Variants in TUSC3 observed in about 807,000 individuals in gnomAD.
TUSC3 encodes the protein dolichyl-diphosphooligosaccharide--protein glycosyltransferase subunit TUSC3.
Under a neutral mutation model 44.8 loss-of-function variants are expected in TUSC3, and 45 were observed. That is an observed-to-expected ratio of 1.00 (90% CI 0.79 to 1.29). The LOEUF (loss-of-function observed/expected upper bound fraction) is 1.29. Among genes scored for constraint, TUSC3 ranks in the 50% most tolerant of loss-of-function variants. The pLI, the probability that TUSC3 is intolerant of heterozygous loss-of-function variation, is 0.00. For missense variants in TUSC3, 519 were observed against 437.9 expected (o/e 1.19, Z -1.65); for synonymous variants, 212 against 152.9 (o/e 1.39, Z -2.85).
At chr8:15,801,095 A>G in the TUSC3 span, among the ~76,000 whole-genome samples, 5,615 of 152,266 alleles carry the variant, frequency 0.037, 145 homozygotes, top group East Asian at 0.13. Context: ...TTAAGAAAGT[A>G]AAAGAATAAA....
At chr8:15,644,029 G>A (rs746778517) in intron 2 of TUSC3, among the ~76,000 whole-genome samples, 68 of 152,052 alleles carry the variant, frequency 4.5e-4, no homozygotes, top group Non-Finnish European at 8.1e-4. Context: ...AAAAAGAGAA[G>A]CTATACTTCT....
intron 1 of TUSC3, among the ~76,000 whole-genome samples, chr8:15,595,239 T>G (rs1804016519): frequency 6.6e-6 from 1 of 152,214 alleles, no homozygotes; most frequent in Non-Finnish European, 1.5e-5. Context: ...TGGTAATTTC[T>G]TTACACATAG....
chr8:15,549,918 C>G (rs1341654851), intron 1 of TUSC3, among the ~76,000 whole-genome samples: 1 of 151,664 alleles, frequency 6.6e-6, no homozygotes, highest in African/African-American at 2.4e-5. Context: ...CTGGGAGCAT[C>G]AGCAGACTCA....
At chr8:15,579,295 G>A in intron 1 of TUSC3, among the ~76,000 whole-genome samples, 1 of 135,172 alleles carries the variant, frequency 7.4e-6, no homozygotes, top group Non-Finnish European at 1.6e-5. Flanking sequence ...TTTTTGAAGG[G>A]TTTTTTGTGT....
At chr8:15,489,552 T>C (rs1299635658) in intron 2 of TUSC3, among the ~76,000 whole-genome samples, 1 of 152,318 alleles carries the variant, frequency 6.6e-6, no homozygotes, top group Non-Finnish European at 1.5e-5. Context: ...TGAGGGGCCA[T>C]TTCAAAATAT....
chr8:15,570,978 A>C, intron 1 of TUSC3, among the ~76,000 whole-genome samples: 1 of 12,844 alleles, frequency 7.8e-5, no homozygotes, highest in Non-Finnish European at 2.8e-4. Context: ...TTTTTTTGAG[A>C]TTGAGTCTTG....
chr8:15,697,422 A>T lies in TUSC3; in HGVS notation c.798+23586A>T, dbSNP rs573590182. 2.0e-5 allele frequency among the ~76,000 whole-genome samples: 3 copies of T among 152,288 alleles called. No homozygotes were observed. The South Asian group carries it at 6.2e-4, about 32-fold the overall frequency. On this transcript the variant is annotated intron_variant, in intron 6 of 10. Transcript: ENST00000503731. ...CTTTTTGATGTAGGCATTTAGGGCT[A>T]TGAACTTTCCTCCTTGCACAGCCTT...
chr8:15,583,977 T>C (rs1394613536), intron 1 of TUSC3, among the ~76,000 whole-genome samples: 3 of 152,218 alleles, frequency 2.0e-5, no homozygotes, highest in African/African-American at 7.2e-5. Context: ...ATAGATAGTG[T>C]CAGTTGTTTG....
chr8:15,514,045 A>G (rs1801178085), intron 2 of TUSC3, among the ~76,000 whole-genome samples: 1 of 152,172 alleles, frequency 6.6e-6, no homozygotes, highest in Non-Finnish European at 1.5e-5. Context: ...TTTTCATCCT[A>G]GGAACGTCAA....
chr8:15,745,090 C>T lies in TUSC3; in HGVS notation c.937+1478C>T, dbSNP rs115174551. Among the ~76,000 whole-genome samples the T allele has an allele frequency of 4.0e-3, 616 of 152,164 alleles. 4 individuals are homozygous for T. Among genetic ancestry groups the T allele is most frequent in the African/African-American group, 0.014 (591 of 41,508 alleles). ...ATTCACTTAGGATAATGGCCTCCAG[C>T]TGAATTCCTATTGATGTAAAGGAGA... On this transcript the variant is annotated intron_variant, in intron 8 of 10. Transcript: ENST00000503731.
At chr8:15,842,114 T>C in the TUSC3 span, among the ~76,000 whole-genome samples, 9 of 152,282 alleles carry the variant, frequency 5.9e-5, no homozygotes, top group East Asian at 1.7e-3. Flanking sequence ...CACATGTTTT[T>C]TGAGCACTTA....
chr8:15,631,564 A>G (rs560833068), intron 2 of TUSC3, among the ~76,000 whole-genome samples: 2 of 152,286 alleles, frequency 1.3e-5, no homozygotes, highest in Middle Eastern at 3.4e-3. Context: ...AAGTATAGGT[A>G]AAAGAAATCA....
chr8:15,483,025 C>G (rs897106812), intron 1 of TUSC3, among the ~76,000 whole-genome samples: 1 of 152,098 alleles, frequency 6.6e-6, no homozygotes, highest in Non-Finnish European at 1.5e-5. Flanking sequence ...CAGTCACAGA[C>G]TAAAAGCCAA....
chr8:15,630,344 A>G (rs915767673), intron 2 of TUSC3, among the ~76,000 whole-genome samples: 1 of 152,182 alleles, frequency 6.6e-6, no homozygotes, highest in Admixed American at 6.5e-5. Context: ...ATAACATTAC[A>G]TTGATACATT....
At chr8:15,727,529 A>G (rs962110686) in intron 6 of TUSC3, among the ~76,000 whole-genome samples, 1 of 152,166 alleles carries the variant, frequency 6.6e-6, no homozygotes, top group Non-Finnish European at 1.5e-5. Flanking sequence ...ATTCAAGCTA[A>G]GTAAATCCTG....
chr8:15,615,498 G>A (rs140856918), intron 1 of TUSC3, among the ~76,000 whole-genome samples: 1 of 152,174 alleles, frequency 6.6e-6, no homozygotes, highest in Non-Finnish European at 1.5e-5. Flanking sequence ...GATAGGAAGA[G>A]GTTATTTAGC....
chr8:15,773,355 A>G, the TUSC3 span, among the ~76,000 whole-genome samples: 1 of 152,230 alleles, frequency 6.6e-6, no homozygotes, highest in Non-Finnish European at 1.5e-5. Flanking sequence ...AATTAAGACA[A>G]TTTCATTTAT....
intron 6 of TUSC3, among the ~76,000 whole-genome samples, chr8:15,728,829 G>A (rs879943762): frequency 4.6e-5 from 7 of 152,164 alleles, no homozygotes; most frequent in African/African-American, 4.8e-5. Context: ...GAAAGGAACA[G>A]CCTTCTCCTT....
chr8:15,627,700 G>A (rs1805578694), intron 2 of TUSC3, among the ~76,000 whole-genome samples: 1 of 152,228 alleles, frequency 6.6e-6, no homozygotes, highest in Non-Finnish European at 1.5e-5. Context: ...GAAGCTGCTT[G>A]CAGTCCACCT....
Sources: allele counts gnomAD v4.1 joint callset (sites outside exome capture counted in the v4.1 genomes callset), GRCh38; gene constraint gnomAD v4.1.1; transcripts MANE v1.5; gene names NCBI Gene and HGNC (gene_info 2026-07-23, HGNC 2026-07-21).